The following LRRC63 variants were observed in gnomAD, a reference collection of about 807,000 sequenced individuals.
The protein encoded by LRRC63 is leucine-rich repeat-containing protein 63.
A neutral mutation model predicts 49.5 loss-of-function variants in LRRC63; 40 were observed. The ratio of observed to expected loss-of-function variants is 0.81; its 90% CI spans 0.63 to 1.05. The LOEUF is 1.05. Ranked by LOEUF, LRRC63 falls within the 50% of genes least tolerant of loss-of-function variation. The pLI, the probability that LRRC63 is intolerant of heterozygous loss-of-function variation, is 0.00. For missense variants in LRRC63, 636 were observed against 663.1 expected, an observed-to-expected ratio of 0.96 and a Z score of 0.45; for synonymous variants, 191 against 221.1, an observed-to-expected ratio of 0.86 and a Z score of 1.21.
chr13:46,269,212 GA>G (rs10674085), intron 9 of LRRC63, among the ~76,000 whole-genome samples: 121 of 143,244 alleles, frequency 8.4e-4, no homozygotes, highest in East Asian at 4.2e-3. Context: ...AAATAAATCT[GA>G]AAAAAAAAAA....
intron 2 of LRRC63, among the ~76,000 whole-genome samples, chr13:46,217,958 T>C (rs1201110288): frequency 6.6e-6 from 1 of 151,780 alleles, no homozygotes; most frequent in Non-Finnish European, 1.5e-5. Context: ...TTGATTGCAC[T>C]GAAGAGACTA....
exon 2 of LRRC63, chr13:46,213,093 C>G: frequency 6.5e-7 from 1 of 1,549,134 alleles, no homozygotes; most frequent in South Asian, 1.2e-5. Context: ...ACTAAGCTGT[C>G]TTTACATGAG....
chr13:46,240,058 A>G (rs1442632904), intron 5 of LRRC63, among the ~76,000 whole-genome samples: 1 of 152,152 alleles, frequency 6.6e-6, no homozygotes, highest in Non-Finnish European at 1.5e-5. Context: ...CTGAATGGGC[A>G]AAAATTGGAA....
rs756588904 is a variant in LRRC63, at chr13:46,250,504, G to A, written c.1226+13G>A. 7 of 1,486,354 alleles carry A rather than the reference G, an allele frequency of 4.7e-6. No homozygotes were observed. The South Asian group carries it at 7.8e-5, about 17-fold the overall frequency. The allele number at this position is 1,486,354 out of a possible 1,614,324, so 92.1% of individuals were successfully genotyped here. On this transcript the variant is annotated intron_variant, in intron 7 of 9. Coordinates refer to ENST00000595396, the Ensembl canonical transcript of LRRC63. Reference sequence around the variant, plus strand: ...TTCTTCCAATTGGGTAAGGTTGATGGTCTGAGATTATAAACACAGAAAATA... The same window carrying A: ...TTCTTCCAATTGGGTAAGGTTGATGATCTGAGATTATAAACACAGAAAATA...
At chr13:46,265,831 A>G (rs575087198) in intron 8 of LRRC63, among the ~76,000 whole-genome samples, 1 of 152,232 alleles carries the variant, frequency 6.6e-6, no homozygotes, top group East Asian at 1.9e-4. Context: ...AGACCATGAG[A>G]GGTGAATTAG....
chr13:46,238,906 A>T (rs1049487699), intron 5 of LRRC63, among the ~76,000 whole-genome samples: 1 of 152,258 alleles, frequency 6.6e-6, no homozygotes, highest in Non-Finnish European at 1.5e-5. Flanking sequence ...TAAATCTGAA[A>T]TTAAGGCAGA....
At chr13:46,246,782 T>G (rs1260250586) in intron 6 of LRRC63, among the ~76,000 whole-genome samples, 157 bp downstream of exon 6, 1 of 152,162 alleles carries the variant, frequency 6.6e-6, no homozygotes, top group Non-Finnish European at 1.5e-5. Context: ...AAGCACAAAA[T>G]GTACAGTACA....
chr13:46,237,587 C>A, intron 5 of LRRC63, among the ~76,000 whole-genome samples: 1 of 151,226 alleles, frequency 6.6e-6, no homozygotes, highest in Non-Finnish European at 1.5e-5. Context: ...AGGAAGAAAA[C>A]AATAATGATA....
intron 7 of LRRC63, among the ~76,000 whole-genome samples, chr13:46,252,914 G>A (rs1044984458): frequency 6.6e-6 from 1 of 152,046 alleles, no homozygotes; most frequent in Non-Finnish European, 1.5e-5. Context: ...CTAAGGTAAA[G>A]AATTTATGCT....
chr13:46,250,553 A>T (rs1421863397), intron 7 of LRRC63, 62 bp downstream of exon 7: 2 of 1,349,966 alleles, frequency 1.5e-6, no homozygotes, highest in Admixed American at 5.5e-5. Context: ...AAAAAGATCA[A>T]TTTCCCCTTT....
At chr13:46,227,744 T>C in exon 3 of LRRC63, 3 of 1,550,518 alleles carry the variant, frequency 1.9e-6, no homozygotes, top group Non-Finnish European at 1.7e-6. Flanking sequence ...CTGCTACTGG[T>C]TCCATATTTT....
chr13:46,227,399 T>G (rs951307114), intron 2 of LRRC63, 113 bp from the exon 3 acceptor site: 1 of 722,848 alleles, frequency 1.4e-6, no homozygotes, highest in Non-Finnish European at 2.1e-6. Context: ...TACAGAAACA[T>G]TTTTAGAAGG....
intron 4 of LRRC63, among the ~76,000 whole-genome samples, chr13:46,232,014 A>C (rs1168006062): frequency 6.7e-6 from 1 of 149,424 alleles, no homozygotes; most frequent in Non-Finnish European, 1.5e-5. Context: ...ACGGGGTTTC[A>C]CCGTGTTAGC....
intron 5 of LRRC63, among the ~76,000 whole-genome samples, chr13:46,241,842 G>A (rs2047072349): frequency 6.6e-6 from 1 of 152,080 alleles, no homozygotes; most frequent in African/African-American, 2.4e-5. Context: ...AGGTTGTGGA[G>A]AAAAAGGAAC....
chr13:46,259,197 T>C (rs1021864155), intron 7 of LRRC63, among the ~76,000 whole-genome samples: 1 of 152,174 alleles, frequency 6.6e-6, no homozygotes, highest in African/African-American at 2.4e-5. Flanking sequence ...GAAAAGCTCT[T>C]TGATTTGTCT....
intron 5 of LRRC63, among the ~76,000 whole-genome samples, chr13:46,243,791 T>G (rs958389876): frequency 5.3e-5 from 8 of 152,302 alleles, no homozygotes; most frequent in African/African-American, 1.9e-4. Flanking sequence ...GTTATACGCT[T>G]TAAAGAATTT....
intron 6 of LRRC63, among the ~76,000 whole-genome samples, chr13:46,248,358 T>C (rs951699726): frequency 9.9e-5 from 15 of 152,074 alleles, no homozygotes; most frequent in African/African-American, 3.6e-4. Context: ...TACAAGTTCT[T>C]ATACAGATTC....
At chr13:46,224,052 G>C (rs928886216) in intron 2 of LRRC63, among the ~76,000 whole-genome samples, 5 of 152,138 alleles carry the variant, frequency 3.3e-5, no homozygotes, top group African/African-American at 1.2e-4. Flanking sequence ...CATTGTGTTT[G>C]CCTAGGGATT....
At position 46,262,670 on chromosome 13, in the gene LRRC63, T is replaced by G. The variant is rs544538399; in HGVS notation, c.1310+678T>G. Among the ~76,000 whole-genome samples the G allele has an allele frequency of 3.9e-5, 6 of 152,284 alleles. No homozygotes were observed. In the East Asian group the frequency reaches 9.6e-4, roughly 24 times the overall value. ...TTTTTTTTCATTTTTTCAGATCTTG[T>G]TTTATGTTCTTCATAGGAATTTATG... is the stretch of plus-strand genomic sequence containing the variant. On this transcript the variant is annotated intron_variant, in intron 8 of 9. Transcript: ENST00000595396.
Sources: allele counts gnomAD v4.1 joint callset (sites outside exome capture counted in the v4.1 genomes callset), GRCh38; gene constraint gnomAD v4.1.1; transcripts MANE v1.5; gene names NCBI Gene and HGNC (gene_info 2026-07-23, HGNC 2026-07-21).